Variants in NAA11 observed in about 807,000 individuals in gnomAD.
NAA11 encodes the protein N-alpha-acetyltransferase 11, NatA catalytic subunit.
In NAA11, 15 loss-of-function variants were observed where a neutral mutation model predicts 16.1. That is an observed-to-expected ratio of 0.93 (90% CI 0.62 to 1.44). NAA11 has a LOEUF of 1.44. NAA11 is among the 40% of genes most tolerant of loss of function. The pLI is 0.00. For missense variants in NAA11, 298 were observed against 291.3 expected (o/e 1.02, Z -0.17); for synonymous variants, 122 against 112.4 (o/e 1.09, Z -0.54).
At chr4:79,165,160 T>A in the NAA11 span, among the ~76,000 whole-genome samples, 4 of 152,212 alleles carry the variant, frequency 2.6e-5, no homozygotes, top group Non-Finnish European at 5.9e-5. Context: ...TATCTCTCCT[T>A]GGGAGGTGGC....
chr4:79,258,998 A>G, intron 2 of NAA11: 2 of 191,156 alleles, frequency 1.0e-5, no homozygotes, highest in South Asian at 8.8e-5. Context: ...CTCTTTGATG[A>G]GAGCTGCAGA....
Position 79,325,491 on chromosome 4 carries a change from C to A in NAA11, c.387G>T (p.Gln129His). ...AGTATTTAGGTTCCACCTCACTAAT[C>A]TGAAAGTTGAGGGTGTTAGAATAAA... The part of the protein sequence containing the change: ...LHLYSNTLNF[Q>H]ISEVEPKYYA... The change falls in exon 1 of 2, where the codon CAG becomes CAT. Residue 129 changes from glutamine (Q) to histidine (H), a missense_variant. Coordinates refer to ENST00000286794, the MANE Select transcript of NAA11 (RefSeq NM_032693.3). 6.2e-7 allele frequency: 1 copy of A among 1,614,204 alleles called. No homozygotes were observed. The highest frequency in any genetic ancestry group is 8.5e-7 in the Non-Finnish European group (1 of 1,180,026).
chr4:79,159,001 A>G, the NAA11 span, among the ~76,000 whole-genome samples: 3 of 152,156 alleles, frequency 2.0e-5, no homozygotes, highest in Non-Finnish European at 4.4e-5. Flanking sequence ...ACCACATTGG[A>G]AAAACCCTTC....
chr4:79,254,592 T>C (rs574830269), intron 2 of NAA11, among the ~76,000 whole-genome samples: 160 of 151,916 alleles, frequency 1.1e-3, no homozygotes, highest in African/African-American at 3.6e-3. Context: ...ATAAGATACA[T>C]AACACTATAG....
chr4:79,227,553 C>G (rs2109953247), intron 2 of NAA11: 1 of 151,984 alleles, frequency 6.6e-6, no homozygotes, highest in South Asian at 2.1e-4. Context: ...GTCCCAGAAA[C>G]CAAGGAGAAG....
At chr4:79,204,564 C>G in the NAA11 span, among the ~76,000 whole-genome samples, 1 of 143,368 alleles carries the variant, frequency 7.0e-6, no homozygotes, top group Non-Finnish European at 1.5e-5. Context: ...CCTTCCTTCT[C>G]TCCTTCTACT....
At chr4:79,161,765 C>T in the NAA11 span, among the ~76,000 whole-genome samples, 2 of 151,920 alleles carry the variant, frequency 1.3e-5, no homozygotes, top group East Asian at 1.9e-4. Flanking sequence ...ACCTCCACCT[C>T]CCGGCCTCCC....
chr4:79,296,461 G>C (rs531059828), intron 1 of NAA11, among the ~76,000 whole-genome samples: 1 of 152,324 alleles, frequency 6.6e-6, no homozygotes, highest in Admixed American at 6.5e-5. Context: ...TTATAAAACA[G>C]AGCGCTTATT....
In NAA11 at chr4:79,319,539, G is replaced by A. The variant is rs1578196884; in HGVS notation, c.*13-1748C>T. Among the ~76,000 whole-genome samples, 4 of 152,114 alleles carry A rather than the reference G, an allele frequency of 2.6e-5. 1 individual carries two copies. The highest frequency in any genetic ancestry group is 2.6e-4 in the Admixed American group (4 of 15,282). ...AAAGCCCATTGGATTTCATATACTA[G>A]AGCATAGAGTACAAAATTTAGGAAA... On this transcript the variant is annotated intron_variant, in intron 1 of 1. Transcript: ENST00000286794.
At chr4:79,298,305 G>A (rs1449621472) in intron 1 of NAA11, among the ~76,000 whole-genome samples, 2 of 152,202 alleles carry the variant, frequency 1.3e-5, no homozygotes, top group Non-Finnish European at 2.9e-5. Context: ...GAATGGTGAG[G>A]CTAAAAGAGC....
chr4:79,264,207 G>A lies in NAA11; in HGVS notation c.*122+29798C>T, dbSNP rs554050358. 1.2e-3 allele frequency among the ~76,000 whole-genome samples: 186 copies of A among 152,308 alleles called. 1 individual carries two copies. The highest frequency in any genetic ancestry group is 4.3e-3 in the African/African-American group (177 of 41,576). On this transcript the variant is annotated intron_variant and NMD_transcript_variant, in intron 2 of 2. Coordinates refer to the NAA11 transcript ENST00000511542. ...TCTGTGATGAGACAGTACAGAAATGGAGAATAAATGTATAGAAACTTTTAT... is the reference window on the plus strand; with the variant it reads ...TCTGTGATGAGACAGTACAGAAATGAAGAATAAATGTATAGAAACTTTTAT...
the NAA11 span, among the ~76,000 whole-genome samples, chr4:79,208,640 G>C: frequency 1.3e-5 from 2 of 151,782 alleles, no homozygotes; most frequent in African/African-American, 4.8e-5. Flanking sequence ...ACTCAGTTTT[G>C]TTCCTAACCT....
rs1229270256 is a variant in NAA11 at position 79,270,413 on chromosome 4, G to A, written c.*122+23592C>T. On this transcript the variant is annotated intron_variant and NMD_transcript_variant, in intron 2 of 2. Coordinates refer to the NAA11 transcript ENST00000511542. The stretch of plus-strand genomic sequence containing the variant: ...AGCTTACCAACCAAAAAGAGTCCAG[G>A]ACCAGATGGATTCACCGCCGAATTC... Among the ~76,000 whole-genome samples the A allele has an allele frequency of 5.0e-5, 7 of 140,572 alleles. No homozygotes were observed. In the Middle Eastern group the frequency reaches 0.011, roughly 217 times the overall value. 92.2% of individuals were successfully genotyped at this position (140,572 alleles called of 152,430 possible).
At chr4:79,175,647 T>G in the NAA11 span, among the ~76,000 whole-genome samples, 1 of 151,200 alleles carries the variant, frequency 6.6e-6, no homozygotes, top group Non-Finnish European at 1.5e-5. Flanking sequence ...ATTTTTCTCC[T>G]GATAAACCAT....
chr4:79,188,099 GATTGTAACAA>G, the NAA11 span, among the ~76,000 whole-genome samples: 1 of 150,222 alleles, frequency 6.7e-6, no homozygotes, highest in Non-Finnish European at 1.5e-5. Flanking sequence ...TTATGTTTTC[GATTGTAACAA>G]ATTTTCTCCC....
At chr4:79,158,642 G>A in the NAA11 span, among the ~76,000 whole-genome samples, 1 of 148,042 alleles carries the variant, frequency 6.8e-6, no homozygotes, top group African/African-American at 2.5e-5. Flanking sequence ...AAAAGAGCCT[G>A]CATAGCCAAA....
chr4:79,293,928 A>C (rs886626601), intron 2 of NAA11: 5 of 152,250 alleles, frequency 3.3e-5, no homozygotes, highest in African/African-American at 1.2e-4. Flanking sequence ...GGAATGGATT[A>C]GTTATCTCAG....
chr4:79,298,908 T>A (rs1010126811), intron 1 of NAA11: 3 of 152,264 alleles, frequency 2.0e-5, no homozygotes, highest in Admixed American at 2.0e-4. Context: ...CCACTGATTT[T>A]ACTTGACTAT....
chr4:79,259,585 G>T (rs1689269614), intron 2 of NAA11, among the ~76,000 whole-genome samples: 1 of 152,224 alleles, frequency 6.6e-6, no homozygotes, highest in African/African-American at 2.4e-5. Context: ...GGCCAAGTGG[G>T]CAGAACAAGC....
Sources: allele counts gnomAD v4.1 joint callset (sites outside exome capture counted in the v4.1 genomes callset), GRCh38; gene constraint gnomAD v4.1.1; transcripts MANE v1.5; gene names NCBI Gene and HGNC (gene_info 2026-07-23, HGNC 2026-07-21).